HPSE2: variants seen among roughly 807,000 people sequenced by gnomAD.
The protein encoded by HPSE2 is inactive heparanase-2.
A neutral mutation model predicts 60.5 loss-of-function variants in HPSE2; 38 were observed. The ratio of observed to expected loss-of-function variants is 0.63; its 90% CI spans 0.48 to 0.82. The LOEUF is 0.82. HPSE2 is among the 40% of genes least tolerant of loss of function. The probability of loss-of-function intolerance (pLI) is 0.00; values close to 1 mark genes in which losing one functional copy is unlikely to be tolerated. For missense variants in HPSE2, 713 were observed against 740.4 expected (o/e 0.96, Z 0.43); for synonymous variants, 295 against 293.2 (o/e 1.01, Z -0.06).
At chr10:98,805,168 G>A (rs1418973066) in intron 3 of HPSE2, among the ~76,000 whole-genome samples, 1 of 152,088 alleles carries the variant, frequency 6.6e-6, no homozygotes, top group African/African-American at 2.4e-5. Flanking sequence ...TGCAGAGGAG[G>A]TGGTATGATT....
At chr10:99,131,955 T>G (rs113466326) in intron 3 of HPSE2, among the ~76,000 whole-genome samples, 1 of 151,384 alleles carries the variant, frequency 6.6e-6, no homozygotes, top group African/African-American at 2.4e-5. Flanking sequence ...CTACTAAAAA[T>G]TTAAAAATTA....
chr10:99,029,768 G>A (rs1957457738), intron 3 of HPSE2, among the ~76,000 whole-genome samples: 1 of 152,228 alleles, frequency 6.6e-6, no homozygotes, highest in Non-Finnish European at 1.5e-5. Context: ...CAGCATCACA[G>A]GGAGACGGTT....
At chr10:99,132,230 AG>A (rs1845461260) in intron 3 of HPSE2, among the ~76,000 whole-genome samples, 30 of 49,978 alleles carry the variant, frequency 6.0e-4, no homozygotes, top group Non-Finnish European at 1.5e-3. Flanking sequence ...AGAGAGAGAG[AG>A]AGAGAGAGAG....
chr10:98,844,851 C>A (rs1233055463), intron 3 of HPSE2, among the ~76,000 whole-genome samples: 1 of 152,186 alleles, frequency 6.6e-6, no homozygotes, highest in African/African-American at 2.4e-5. Flanking sequence ...AAAGTAGTGA[C>A]ATTCATTGAG....
intron 3 of HPSE2, among the ~76,000 whole-genome samples, chr10:98,957,084 G>T (rs911174624): frequency 6.6e-6 from 1 of 152,148 alleles, no homozygotes; most frequent in African/African-American, 2.4e-5. Context: ...AACATGTTCT[G>T]CAGCAAAGTC....
intron 3 of HPSE2, among the ~76,000 whole-genome samples, chr10:99,141,447 T>C (rs1845863540): frequency 6.6e-6 from 1 of 152,114 alleles, no homozygotes; most frequent in Admixed American, 6.5e-5. Flanking sequence ...TATAAACCAT[T>C]GACATGAAAA....
rs1293612401 is a variant in HPSE2 at position 99,005,599 on chromosome 10, G to T, written c.610+138639C>A. Among the ~76,000 whole-genome samples the T allele has an allele frequency of 2.0e-5, 3 of 151,630 alleles. No homozygotes were observed. The East Asian group carries it at 5.8e-4, about 29-fold the overall frequency. ...TTTTTTCTGTATTTTCTTTAATTTT[G>T]CTGGGCTTCCTTAAGACAATCATCT... On this transcript the variant is annotated intron_variant, in intron 3 of 11. Coordinates refer to ENST00000370552, the MANE Select transcript of HPSE2 (RefSeq NM_021828.5).
chr10:98,678,187 T>G (rs943341752), intron 6 of HPSE2, among the ~76,000 whole-genome samples: 1 of 151,010 alleles, frequency 6.6e-6, no homozygotes, highest in African/African-American at 2.4e-5. Context: ...GACTTGAAAC[T>G]ATGACTTTCA....
chr10:99,236,373 A>G (rs1406963537), upstream of HPSE2, among the ~76,000 whole-genome samples: 1 of 152,002 alleles, frequency 6.6e-6, no homozygotes, highest in East Asian at 1.9e-4. Context: ...CGAAAGCCCC[A>G]GCGCCAACCC....
chr10:98,672,034 A>C (rs542619089), intron 6 of HPSE2, among the ~76,000 whole-genome samples: 14 of 152,336 alleles, frequency 9.2e-5, no homozygotes, highest in African/African-American at 3.1e-4. Context: ...ACATTAAAGC[A>C]CTGGAAAAAC....
chr10:99,134,412 A>G (rs552322551), intron 3 of HPSE2, among the ~76,000 whole-genome samples: 3 of 152,266 alleles, frequency 2.0e-5, no homozygotes, highest in Non-Finnish European at 4.4e-5. Flanking sequence ...CCCAAGACAC[A>G]TTATCGTCAG....
At chr10:98,965,723 C>G (rs1245075522) in intron 3 of HPSE2, among the ~76,000 whole-genome samples, 4 of 152,300 alleles carry the variant, frequency 2.6e-5, no homozygotes, top group Middle Eastern at 3.4e-3. Context: ...TGGTCATTGC[C>G]TCTAGCACTC....
At chr10:99,001,525 A>G (rs1011418301) in intron 3 of HPSE2, among the ~76,000 whole-genome samples, 18 of 152,228 alleles carry the variant, frequency 1.2e-4, no homozygotes, top group African/African-American at 3.8e-4. Flanking sequence ...GATTACATAA[A>G]TTACTTTAGT....
At chr10:98,748,116 T>C (rs1378374266) in intron 3 of HPSE2, among the ~76,000 whole-genome samples, 1 of 152,112 alleles carries the variant, frequency 6.6e-6, no homozygotes, top group Non-Finnish European at 1.5e-5. Context: ...CTAACCAACA[T>C]AGTGAAACTG....
At chr10:98,506,305 G>A (rs1942198299) in intron 9 of HPSE2, among the ~76,000 whole-genome samples, 1 of 152,164 alleles carries the variant, frequency 6.6e-6, no homozygotes, top group African/African-American at 2.4e-5. Context: ...TTTCAGTTTA[G>A]AGAATTAAGT....
intron 3 of HPSE2, among the ~76,000 whole-genome samples, chr10:99,120,824 T>A (rs1440224393): frequency 6.6e-6 from 1 of 152,112 alleles, no homozygotes; most frequent in Non-Finnish European, 1.5e-5. Flanking sequence ...CTGGCAAGGA[T>A]GCAGAGAAAA....
At chr10:99,259,076 T>C in the HPSE2 span, among the ~76,000 whole-genome samples, 2 of 152,136 alleles carry the variant, frequency 1.3e-5, no homozygotes, top group African/African-American at 4.8e-5. Context: ...GAGGCTGATG[T>C]GGGTGGATCA....
chr10:99,127,372 G>A (rs74985830), intron 3 of HPSE2, among the ~76,000 whole-genome samples: 2,712 of 152,204 alleles, frequency 0.018, 44 homozygotes, highest in Middle Eastern at 0.041. Flanking sequence ...TTCAACAATC[G>A]ACTAGAACAA....
At chr10:98,461,489 T>C (rs949787240) in intron 11 of HPSE2, among the ~76,000 whole-genome samples, 1 of 152,198 alleles carries the variant, frequency 6.6e-6, no homozygotes, top group Non-Finnish European at 1.5e-5. Context: ...TGACCCTCTG[T>C]AGTGAAGACA....
Sources: gnomAD v4.1 joint callset for allele counts (sites outside exome capture counted in the v4.1 genomes callset) on GRCh38, gnomAD v4.1.1 for gene constraint, MANE v1.5 for transcripts, NCBI Gene and HGNC (gene_info 2026-07-23, HGNC 2026-07-21) for gene names.